Variants in SETD2 observed in about 807,000 individuals in gnomAD.
SETD2 encodes the protein histone-lysine N-methyltransferase SETD2.
Under a neutral mutation model 242.1 loss-of-function variants are expected in SETD2, and 31 were observed. The ratio of observed to expected loss-of-function variants is 0.13; its 90% confidence interval spans 0.10 to 0.17. The LOEUF is 0.17. Among genes scored for constraint, SETD2 ranks in the 10% least tolerant of loss-of-function variants. The probability of loss-of-function intolerance (pLI) is 1.00; values close to 1 mark genes in which losing one functional copy is unlikely to be tolerated. For synonymous variants in SETD2, 1,006 were observed against 1,066.5 expected (o/e 0.94, Z 1.11); for missense variants, 2,481 against 3,046.3 (o/e 0.81, Z 4.37).
intron 1 of SETD2, among the ~76,000 whole-genome samples, chr3:47,156,608 C>G (rs1425268075): frequency 6.6e-6 from 1 of 152,160 alleles, no homozygotes; most frequent in African/African-American, 2.4e-5. Context: ...TCCATACTTA[C>G]CAGCAAACCC....
Position 47,067,138 on chromosome 3 carries a change from G to C in SETD2, c.6061-20C>G, listed in dbSNP as rs2107600569. The C allele has an allele frequency of 1.3e-6, 2 of 1,598,124 alleles. No homozygotes were observed. Among genetic ancestry groups the C allele is most frequent in the Non-Finnish European group, 1.7e-6 (2 of 1,165,728 alleles). Reference sequence around the variant, plus strand: ...TACCTCCTGCAAAAAATAAACCAGAGGGAGGGTTATTAGTGAGGGTGGAAA... The same window carrying C: ...TACCTCCTGCAAAAAATAAACCAGACGGAGGGTTATTAGTGAGGGTGGAAA... On this transcript the variant is annotated intron_variant, in intron 12 of 20. Transcript: ENST00000409792.
chr3:47,127,225 G>T (rs2043356024), intron 1 of SETD2, among the ~76,000 whole-genome samples: 1 of 152,008 alleles, frequency 6.6e-6, no homozygotes, highest in Non-Finnish European at 1.5e-5. Context: ...AGACATGGTG[G>T]CGTGCACTTA....
rs558585539 is a variant in SETD2 at position 47,067,688 on chromosome 3, G to GCCT, written c.6061-571_6061-570insAGG. On this transcript the variant is annotated intron_variant, in intron 12 of 20. Coordinates refer to ENST00000409792, the MANE Select transcript of SETD2 (RefSeq NM_014159.7). The stretch of plus-strand genomic sequence containing the variant: ...GCCTCCCAAAGTGCTGGGATTACAG[G>GCCT]CGTGAGCCACCATGCCTGGCCAAGT... Among the ~76,000 whole-genome samples, 582 of 152,200 alleles carry GCCT rather than the reference G, an allele frequency of 3.8e-3. 2 individuals are homozygous for GCCT. Among genetic ancestry groups the GCCT allele is most frequent in the African/African-American group, 0.012 (486 of 41,538 alleles).
intron 1 of SETD2, among the ~76,000 whole-genome samples, chr3:47,161,814 G>A (rs548889166): frequency 1.3e-5 from 2 of 151,500 alleles, no homozygotes; most frequent in South Asian, 4.2e-4. Flanking sequence ...AGGAGGCTGA[G>A]GCAGGAGGAC....
intron 16 of SETD2, among the ~76,000 whole-genome samples, chr3:47,044,330 G>A (rs1011825344): frequency 1.6e-5 from 1 of 61,142 alleles, no homozygotes; most frequent in East Asian, 5.9e-4. Flanking sequence ...GGGCAACAAA[G>A]CAAGACTTCA....
In SETD2 at chr3:47,057,026, C is replaced by T; in HGVS notation, c.6758G>A (p.Ser2253Asn). 1 of 1,614,278 alleles carries T rather than the reference C, an allele frequency of 6.2e-7. No homozygotes were observed. The highest frequency in any genetic ancestry group is 8.5e-7 in the Non-Finnish European group (1 of 1,180,054). ...QSDGVVHQDS[S>N]VAVLPVPAPG... is the part of the protein sequence containing the mutation. The stretch of plus-strand genomic sequence containing the variant: ...GGCCGGCACTGGCAAGACAGCAACG[C>T]TGGAGTCTTGGTGTACTACACCATC... The change falls in exon 15 of 21, where the codon AGC (serine) becomes AAC (asparagine). Residue 2253 changes from serine (S) to asparagine (N), a missense_variant. Transcript: ENST00000409792.
At position 47,122,817 on chromosome 3, in the gene SETD2, G is replaced by T. The variant is rs1345996475; in HGVS notation, c.1819C>A (p.Pro607Thr). 2 of 1,613,420 alleles carry T rather than the reference G, an allele frequency of 1.2e-6. No individual in the cohort carries two copies. The highest frequency in any genetic ancestry group is 8.5e-7 in the Non-Finnish European group (1 of 1,179,806). Reference protein sequence around the residue: ...GSELRMINKNPEREKAGSPAP... With the variant: ...GSELRMINKNTEREKAGSPAP... Reference sequence around the variant, plus strand: ...GGAGACCCAGCCTTTTCTCTTTCAGGATTTTTATTAATCATTCTTAATTCA... The same window carrying T: ...GGAGACCCAGCCTTTTCTCTTTCAGTATTTTTATTAATCATTCTTAATTCA... Residue 607 changes from proline (P) to threonine (T), a missense_variant, in exon 3 of 21, where the codon CCT (proline) becomes ACT (threonine). Pro to Thr is a conservative substitution (Grantham distance 38, BLOSUM62 -1). Around this residue, in one of 17 missense-constraint regions of SETD2, gnomAD observed 1,300 missense variants for 1,259.2 expected, o/e 1.03. Transcript: ENST00000409792.
intron 1 of SETD2, among the ~76,000 whole-genome samples, chr3:47,136,049 T>C (rs1218847279): frequency 6.6e-6 from 1 of 152,170 alleles, no homozygotes; most frequent in Non-Finnish European, 1.5e-5. Flanking sequence ...TAATAGGTAC[T>C]ACTTGGATAC....
intron 15 of SETD2, among the ~76,000 whole-genome samples, chr3:47,050,531 C>A (rs908469572): frequency 1.3e-5 from 2 of 152,006 alleles, no homozygotes; most frequent in African/African-American, 4.8e-5. Context: ...AAATATGAAA[C>A]TTTTTGAGCG....
chr3:47,095,097 T>C (rs1165330899), intron 9 of SETD2, among the ~76,000 whole-genome samples: 6 of 152,202 alleles, frequency 3.9e-5, no homozygotes, highest in Admixed American at 6.5e-5. Context: ...GTGTTTATTC[T>C]GTAAGTTTTG....
rs542255283 is a variant in SETD2, at chr3:47,131,682, C to T, written c.72-5019G>A. ...TTTGAAAAAGTACTATATGTAGCTGCGGGAAATTTTATAATACAAAGAGAT... is the reference window on the plus strand; with the variant it reads ...TTTGAAAAAGTACTATATGTAGCTGTGGGAAATTTTATAATACAAAGAGAT... On this transcript the variant is annotated intron_variant, in intron 1 of 20. Coordinates refer to ENST00000409792, the MANE Select transcript of SETD2 (RefSeq NM_014159.7). Among the ~76,000 whole-genome samples the T allele has an allele frequency of 6.6e-5, 10 of 151,182 alleles. 1 individual carries two copies. The South Asian group carries it at 1.5e-3, about 22-fold the overall frequency.
rs562520063 is a variant in SETD2, at chr3:47,105,544, T to C, written c.4839+453A>G. The C allele has an allele frequency of 1.8e-4, 45 of 249,186 alleles. 1 individual carries two copies. Among genetic ancestry groups the C allele is most frequent in the African/African-American group, 9.2e-4 (39 of 42,588 alleles). The allele number at this position is 249,186 out of a possible 1,614,324, so 15.4% of individuals were successfully genotyped here. A position where few individuals can be genotyped will look rare whatever the true frequency, so the allele number is the denominator to read the frequency against. On this transcript the variant is annotated intron_variant, in intron 6 of 20. Coordinates refer to ENST00000409792, the MANE Select transcript of SETD2 (RefSeq NM_014159.7). ...TTCCATGTTTTTATTTTCTACCTTG[T>C]CATGCAACAGTAACTTCCACGCTTT...
chr3:47,035,264 C>A (rs1204646573), intron 18 of SETD2, among the ~76,000 whole-genome samples: 1 of 152,194 alleles, frequency 6.6e-6, no homozygotes, highest in East Asian at 1.9e-4. Flanking sequence ...CTCTTGGGTG[C>A]TGAGCAGACC....
chr3:47,054,536 C>T (rs558628035), intron 15 of SETD2, among the ~76,000 whole-genome samples: 2 of 152,246 alleles, frequency 1.3e-5, no homozygotes, highest in Admixed American at 6.5e-5. Context: ...GAATATGGCT[C>T]ATACCCAAGT....
intron 14 of SETD2, among the ~76,000 whole-genome samples, chr3:47,058,465 C>A (rs59636168): frequency 0.56 from 41,269 of 73,160 alleles, 11,152 homozygotes; most frequent in African/African-American, 0.59. Context: ...AAAAAAAAAA[C>A]ACAAAGAGGG....
In SETD2 at chr3:47,046,512, G is replaced by A. The variant is rs775632004; in HGVS notation, c.7073C>T (p.Pro2358Leu). Reference sequence around the variant, plus strand: ...TGGCTGCAAGGGCTGAGGCTGCCCTGGTGCAACTATTGTAGTCACTGCTGC... The same window carrying A: ...TGGCTGCAAGGGCTGAGGCTGCCCTAGTGCAACTATTGTAGTCACTGCTGC... ...PAAAVTTIVA[P>L]GQPQPLQPSE... The change falls in exon 16 of 21, where the codon CCA (proline) becomes CTA (leucine). Residue 2358 changes from proline (P) to leucine (L), a missense_variant. Pro to Leu is a moderately conservative substitution (Grantham distance 98). This residue lies in a region of SETD2 where 235 missense variants were observed against 293.9 expected (regional missense o/e 0.80). Transcript: ENST00000409792. 2 of 1,608,122 alleles carry A rather than the reference G, an allele frequency of 1.2e-6. No individual in the cohort carries two copies. The highest frequency in any genetic ancestry group is 1.7e-6 in the Non-Finnish European group (2 of 1,176,656).
chr3:47,043,052 A>G (rs2039357450), intron 16 of SETD2, among the ~76,000 whole-genome samples: 2 of 151,130 alleles, frequency 1.3e-5, no homozygotes, highest in Non-Finnish European at 3.0e-5. Context: ...AAAAAAAAAG[A>G]AAAACCAAAA....
chr3:47,062,450 C>T, intron 13 of SETD2, 104 bp from the exon 14 acceptor site: 1 of 1,054,794 alleles, frequency 9.5e-7, no homozygotes, highest in Non-Finnish European at 1.4e-6. Flanking sequence ...AACTTCTATC[C>T]AACAAATGTA....
intron 5 of SETD2, among the ~76,000 whole-genome samples, chr3:47,111,079 TAAAAAAAAAAAAA>T (rs10672755): frequency 3.4e-4 from 27 of 78,800 alleles, no homozygotes; most frequent in South Asian, 5.2e-4. Context: ...GTGGTTCCTT[TAAAAAAAAAAAAA>T]AAAAAAAAAA....
Sources: allele counts gnomAD v4.1 joint callset (sites outside exome capture counted in the v4.1 genomes callset), GRCh38; gene constraint gnomAD v4.1.1; regional missense constraint gnomAD v4.1.1; transcripts MANE v1.5; gene names NCBI Gene and HGNC (gene_info 2026-07-23, HGNC 2026-07-21).